The following PIBF1 variants were observed in gnomAD, a reference collection of about 807,000 sequenced individuals.
PIBF1 encodes the protein progesterone-induced-blocking factor 1.
In PIBF1, 90 loss-of-function variants were observed where a neutral mutation model predicts 112.5. That is an observed-to-expected ratio of 0.80 (90% CI 0.67 to 0.95). PIBF1 has a LOEUF of 0.95. Ranked by LOEUF, PIBF1 falls within the 40% of genes least tolerant of loss-of-function variation. PIBF1 has a pLI of 0.00. For missense variants in PIBF1, 915 were observed against 852.3 expected (o/e 1.07, Z -0.92); for synonymous variants, 301 against 288.6 (o/e 1.04, Z -0.44).
chr13:72,836,000 G>A (rs1594014140), intron 9 of PIBF1: 2 of 350,114 alleles, frequency 5.7e-6, no homozygotes, highest in Non-Finnish European at 1.1e-5. Context: ...TCGGGAGGCT[G>A]AGGCAGGAGA....
chr13:72,920,906 C>T (rs2041264086), intron 13 of PIBF1, among the ~76,000 whole-genome samples: 1 of 152,070 alleles, frequency 6.6e-6, no homozygotes, highest in Non-Finnish European at 1.5e-5. Flanking sequence ...TTTCATTGTA[C>T]ATCAGCCTAT....
chr13:72,978,844 A>G (rs1180399900), intron 16 of PIBF1, among the ~76,000 whole-genome samples: 2 of 152,230 alleles, frequency 1.3e-5, no homozygotes, highest in East Asian at 1.9e-4. Flanking sequence ...TCACTTTTAG[A>G]TAACAGTAGC....
At chr13:72,898,738 C>G (rs767488095) in intron 11 of PIBF1, among the ~76,000 whole-genome samples, 5 of 149,556 alleles carry the variant, frequency 3.3e-5, no homozygotes, top group Non-Finnish European at 7.4e-5. Flanking sequence ...ATCCCAGCTA[C>G]TCAGGAGGCT....
chr13:72,838,478 C>T (rs2037456597), intron 9 of PIBF1, among the ~76,000 whole-genome samples: 1 of 152,186 alleles, frequency 6.6e-6, no homozygotes, highest in East Asian at 1.9e-4. Context: ...AATCAGGCAG[C>T]TTCCAGAATC....
rs552505810 is a variant in PIBF1, at chr13:72,839,928, A to C, written c.1223+4560A>C. On this transcript the variant is annotated intron_variant, in intron 9 of 17. Transcript: ENST00000326291. Reference sequence around the variant, plus strand: ...ATCCACATCAAAATGGACACTACCTAACCAGGGGATTCCTGGGATTGGGGC... The same window carrying C: ...ATCCACATCAAAATGGACACTACCTCACCAGGGGATTCCTGGGATTGGGGC... 4.2e-4 allele frequency among the ~76,000 whole-genome samples: 64 copies of C among 152,190 alleles called. 1 individual carries two copies. The highest frequency in any genetic ancestry group is 1.4e-3 in the African/African-American group (58 of 41,538).
intron 16 of PIBF1, among the ~76,000 whole-genome samples, chr13:72,975,509 T>C (rs1184845866): frequency 6.6e-6 from 1 of 152,136 alleles, no homozygotes; most frequent in Non-Finnish European, 1.5e-5. Context: ...AAGGTACGTA[T>C]CCTAGAGATG....
chr13:72,927,287 C>T (rs369406746), intron 13 of PIBF1, among the ~76,000 whole-genome samples: 4 of 152,042 alleles, frequency 2.6e-5, no homozygotes, highest in East Asian at 1.9e-4. Context: ...GGGCGGATCA[C>T]GAGGTCAGGA....
intron 14 of PIBF1, among the ~76,000 whole-genome samples, chr13:72,950,461 G>A (rs977040724): frequency 9.2e-5 from 14 of 152,108 alleles, no homozygotes; most frequent in African/African-American, 3.4e-4. Context: ...GCAATAAATA[G>A]CAAGAATTCC....
At chr13:72,905,992 T>C (rs2138642833) in intron 11 of PIBF1, among the ~76,000 whole-genome samples, 1 of 152,284 alleles carries the variant, frequency 6.6e-6, no homozygotes, top group African/African-American at 2.4e-5. Context: ...ACACAGTGCC[T>C]CTCTCATAAT....
chr13:72,877,949 A>C (rs898003030), intron 10 of PIBF1, among the ~76,000 whole-genome samples: 4 of 151,890 alleles, frequency 2.6e-5, no homozygotes, highest in African/African-American at 9.7e-5. Flanking sequence ...GGGTTTCTCC[A>C]TGTTGGTCAG....
At chr13:72,790,311 G>A (rs2034830537) in intron 2 of PIBF1, among the ~76,000 whole-genome samples, 1 of 152,010 alleles carries the variant, frequency 6.6e-6, no homozygotes, top group Admixed American at 6.6e-5. Flanking sequence ...AGAATGGAAG[G>A]CTGGGAGAAA....
In PIBF1 at chr13:72,835,263, A is replaced by G; in HGVS notation, c.1118A>G (p.Tyr373Cys). The G allele has an allele frequency of 6.4e-7, 1 of 1,571,804 alleles. No homozygotes were observed. Among genetic ancestry groups the G allele is most frequent in the Non-Finnish European group, 8.6e-7 (1 of 1,165,462 alleles). ...TGCAGAGACCATTATAAAACAGAAT[A>G]TGAAAATAAACTACATGATGAACTA... is the stretch of plus-strand genomic sequence containing the variant. Reference protein sequence around the residue: ...VASRDHYKTEYENKLHDELEQ... With the variant: ...VASRDHYKTECENKLHDELEQ... Residue 373 changes from tyrosine to cysteine, a missense_variant, in exon 9 of 18, where the codon TAT (tyrosine) becomes TGT (cysteine). Transcript: ENST00000326291.
At chr13:72,875,291 A>T (rs1220722819) in intron 10 of PIBF1, among the ~76,000 whole-genome samples, 1 of 152,142 alleles carries the variant, frequency 6.6e-6, no homozygotes, top group Non-Finnish European at 1.5e-5. Flanking sequence ...ATCACAGTTC[A>T]TCTGTTCACC....
At chr13:72,863,949 A>G (rs2038817035) in intron 10 of PIBF1, among the ~76,000 whole-genome samples, 1 of 152,218 alleles carries the variant, frequency 6.6e-6, no homozygotes, top group African/African-American at 2.4e-5. Flanking sequence ...AACATGGTTT[A>G]GGGGTATGTA....
intron 11 of PIBF1, among the ~76,000 whole-genome samples, chr13:72,899,627 A>G (rs1188875982): frequency 6.6e-6 from 1 of 152,190 alleles, no homozygotes; most frequent in East Asian, 1.9e-4. Flanking sequence ...AGCCATCTAT[A>G]ACAGACCTAC....
chr13:72,916,885 C>CA (rs1435789128), intron 12 of PIBF1, among the ~76,000 whole-genome samples, 191 bp from the exon 13 acceptor site: 1 of 152,000 alleles, frequency 6.6e-6, no homozygotes, highest in Non-Finnish European at 1.5e-5. Context: ...ATAAATGGAG[C>CA]AAATTCAAGC....
chr13:72,803,243 T>G (rs1300849205), intron 5 of PIBF1, among the ~76,000 whole-genome samples: 1 of 145,312 alleles, frequency 6.9e-6, no homozygotes, highest in African/African-American at 2.7e-5. Flanking sequence ...TTTTTTTTGT[T>G]TTTTTGTTTT....
intron 11 of PIBF1, among the ~76,000 whole-genome samples, chr13:72,904,530 TC>T (rs1258658443): frequency 7.5e-6 from 1 of 133,210 alleles, no homozygotes; most frequent in Admixed American, 8.9e-5. Flanking sequence ...AACCTCCACC[TC>T]CCAGGTTCAA....
At chr13:72,934,475 T>G (rs963648029) in intron 14 of PIBF1, among the ~76,000 whole-genome samples, 2 of 152,102 alleles carry the variant, frequency 1.3e-5, no homozygotes, top group Non-Finnish European at 2.9e-5. Context: ...TTTTTTGTAT[T>G]TTTAGTAGAG....
Sources: gnomAD v4.1 joint callset for allele counts (sites outside exome capture counted in the v4.1 genomes callset) on GRCh38, gnomAD v4.1.1 for gene constraint, MANE v1.5 for transcripts, NCBI Gene and HGNC (gene_info 2026-07-23, HGNC 2026-07-21) for gene names.